The following CCSER1 variants were observed in gnomAD, a reference collection of about 807,000 sequenced individuals.
The protein encoded by CCSER1 is coiled-coil serine rich protein 1.
Under a neutral mutation model 82.0 loss-of-function variants are expected in CCSER1, and 41 were observed. The observed-to-expected ratio is 0.50, with a 90% confidence interval of 0.39 to 0.65. CCSER1 has a LOEUF of 0.65. Among genes scored for constraint, CCSER1 ranks in the 30% least tolerant of loss-of-function variants. The pLI is 0.00. For synonymous variants in CCSER1, 414 were observed against 383.9 expected, an observed-to-expected ratio of 1.08 and a Z score of -0.92; for missense variants, 1,119 against 1,064.2, an observed-to-expected ratio of 1.05 and a Z score of -0.72.
intron 3 of CCSER1, among the ~76,000 whole-genome samples, chr4:90,340,154 C>T (rs1741136615): frequency 1.3e-5 from 2 of 152,126 alleles, no homozygotes; most frequent in South Asian, 4.1e-4. Flanking sequence ...CTTGCTAAAA[C>T]AGGCTTTTCA....
At chr4:90,606,192 G>A (rs1266055119) in intron 5 of CCSER1, among the ~76,000 whole-genome samples, 1 of 124,262 alleles carries the variant, frequency 8.0e-6, no homozygotes, top group Non-Finnish European at 1.6e-5. Context: ...TCCTTGCCAT[G>A]GGGAGAGTCC....
At chr4:91,179,735 G>A (rs899291312) in intron 10 of CCSER1, among the ~76,000 whole-genome samples, 2 of 152,116 alleles carry the variant, frequency 1.3e-5, no homozygotes, top group Admixed American at 6.5e-5. Context: ...GCTTCTTTGC[G>A]ATGGGTTTGA....
At chr4:91,060,882 G>A (rs28421571) in intron 9 of CCSER1, among the ~76,000 whole-genome samples, 42,828 of 151,858 alleles carry the variant, frequency 0.28, 6,255 homozygotes, top group Non-Finnish European at 0.3. Context: ...CACTGGCCAA[G>A]CCATTGTGAA....
chr4:90,842,510 C>A (rs1762705391), intron 8 of CCSER1, among the ~76,000 whole-genome samples: 1 of 152,070 alleles, frequency 6.6e-6, no homozygotes, highest in African/African-American at 2.4e-5. Flanking sequence ...ATTTAGTCAG[C>A]ACTGGAGTCA....
intron 10 of CCSER1, among the ~76,000 whole-genome samples, chr4:91,105,010 C>T (rs546243392): frequency 1.3e-5 from 2 of 152,108 alleles, no homozygotes; most frequent in Non-Finnish European, 2.9e-5. Context: ...GAATAATATA[C>T]ATTGTACCCA....
rs141167905 is a variant in CCSER1 at position 90,660,820 on chromosome 4, G to A, written c.1932+32588G>A. On this transcript the variant is annotated intron_variant, in intron 6 of 10. Transcript: ENST00000509176. ...GCTGCCAGCTAATTGCACCTTTTGC[G>A]TAATGGCTATATATTTGATGGATTT... Among the ~76,000 whole-genome samples, 48 of 152,198 alleles carry A rather than the reference G, an allele frequency of 3.2e-4. 1 individual carries two copies. The East Asian group carries it at 7.7e-3, about 24-fold the overall frequency.
rs535534470 is a variant in CCSER1, at chr4:91,576,312, C to A, written c.2218-22260C>A. 1.9e-4 allele frequency among the ~76,000 whole-genome samples: 29 copies of A among 151,964 alleles called. No homozygotes were observed. In the South Asian group the frequency reaches 5.8e-3, roughly 30 times the overall value. ...TGAAGTAAGACACAGAAGACAAATACTACATAATATCATCTATATGTAAAA... is the reference window on the plus strand; with the variant it reads ...TGAAGTAAGACACAGAAGACAAATAATACATAATATCATCTATATGTAAAA... On this transcript the variant is annotated intron_variant, in intron 10 of 10. Transcript: ENST00000509176.
chr4:90,131,902 T>C (rs1722889002), intron 1 of CCSER1, among the ~76,000 whole-genome samples: 1 of 152,204 alleles, frequency 6.6e-6, no homozygotes, highest in South Asian at 2.1e-4. Flanking sequence ...AAAATGCATT[T>C]CTTCATTTCA....
intron 10 of CCSER1, among the ~76,000 whole-genome samples, chr4:91,159,696 A>G (rs918185488): frequency 6.6e-6 from 1 of 151,964 alleles, no homozygotes; most frequent in Non-Finnish European, 1.5e-5. Context: ...AAAAATTAGA[A>G]TCAGTGAATA....
chr4:91,213,100 A>G (rs1408457479), intron 10 of CCSER1, among the ~76,000 whole-genome samples: 1 of 149,084 alleles, frequency 6.7e-6, no homozygotes, highest in Non-Finnish European at 1.5e-5. Context: ...ATAGTATTAC[A>G]TGGCATATAC....
intron 9 of CCSER1, among the ~76,000 whole-genome samples, chr4:90,959,983 G>A (rs78565483): frequency 0.031 from 4,650 of 152,138 alleles, 98 homozygotes; most frequent in Middle Eastern, 0.058. Flanking sequence ...CATTAGATTT[G>A]TCTATGTCTG....
chr4:91,127,599 G>GA (rs1561569684), intron 10 of CCSER1, among the ~76,000 whole-genome samples: 3 of 151,928 alleles, frequency 2.0e-5, no homozygotes, highest in East Asian at 3.9e-4. Flanking sequence ...TGTTGCTCCT[G>GA]AAAAAATAAA....
At chr4:90,275,402 A>G (rs545522339) in intron 1 of CCSER1, among the ~76,000 whole-genome samples, 3 of 152,276 alleles carry the variant, frequency 2.0e-5, no homozygotes, top group Admixed American at 1.3e-4. Flanking sequence ...TGAAAATAAA[A>G]GGGGCATACT....
intron 10 of CCSER1, among the ~76,000 whole-genome samples, chr4:91,587,302 A>G (rs1323497324): frequency 6.6e-6 from 1 of 151,742 alleles, no homozygotes; most frequent in Non-Finnish European, 1.5e-5. Flanking sequence ...TGTTGAAAAT[A>G]CAGAAGACAT....
intron 8 of CCSER1, among the ~76,000 whole-genome samples, chr4:90,824,384 A>C (rs2149797968): frequency 6.6e-6 from 1 of 152,236 alleles, no homozygotes; most frequent in Admixed American, 6.5e-5. Context: ...TTTTTGAAAA[A>C]AATTGAAGGC....
chr4:90,516,765 G>A (rs142498496), intron 5 of CCSER1, among the ~76,000 whole-genome samples: 402 of 152,264 alleles, frequency 2.6e-3, no homozygotes, highest in Admixed American at 3.7e-3. Context: ...GCCGCTGAAC[G>A]ATCATGCTAT....
At chr4:90,879,372 T>TG (rs1720850590) in intron 8 of CCSER1, among the ~76,000 whole-genome samples, 1 of 152,092 alleles carries the variant, frequency 6.6e-6, no homozygotes, top group Non-Finnish European at 1.5e-5. Context: ...TGAAACTTGA[T>TG]GATCTTTGTT....
At chr4:91,598,458 C>A in intron 10 of CCSER1, 114 bp from the exon 11 acceptor site, 2 of 1,089,532 alleles carry the variant, frequency 1.8e-6, no homozygotes, top group Non-Finnish European at 2.6e-6. Flanking sequence ...ATTTTATAAA[C>A]CTCATTGAAA....
chr4:90,867,125 A>G (rs964155533), intron 8 of CCSER1, among the ~76,000 whole-genome samples: 7 of 152,014 alleles, frequency 4.6e-5, no homozygotes, highest in African/African-American at 1.7e-4. Flanking sequence ...TTTGTAGAAT[A>G]CAGTGTGCTG....
Sources: allele counts gnomAD v4.1 joint callset (sites outside exome capture counted in the v4.1 genomes callset), GRCh38; gene constraint gnomAD v4.1.1; transcripts MANE v1.5; gene names NCBI Gene and HGNC (gene_info 2026-07-23, HGNC 2026-07-21).